The following ASTN2 variants were observed in gnomAD, a reference collection of about 807,000 sequenced individuals.
The protein encoded by ASTN2 is astrotactin 2.
Under a neutral mutation model 139.8 loss-of-function variants are expected in ASTN2, and 54 were observed. The observed-to-expected ratio is 0.39, with a 90% confidence interval of 0.31 to 0.48. The LOEUF (loss-of-function observed/expected upper bound fraction) is 0.48. Among genes scored for constraint, ASTN2 ranks in the 20% least tolerant of loss-of-function variants. The pLI is 0.95. For missense variants in ASTN2, 1,565 were observed against 1,725.1 expected, an observed-to-expected ratio of 0.91 and a Z score of 1.64; for synonymous variants, 756 against 719.5, an observed-to-expected ratio of 1.05 and a Z score of -0.81.
At chr9:117,216,188 G>A (rs955167456) in intron 2 of ASTN2, among the ~76,000 whole-genome samples, 3 of 152,172 alleles carry the variant, frequency 2.0e-5, no homozygotes, top group Non-Finnish European at 2.9e-5. Flanking sequence ...CACCTGTTTA[G>A]ACCAAGAAGA....
chr9:116,609,328 C>CTCTCTCTATATA (rs140484650), intron 19 of ASTN2, among the ~76,000 whole-genome samples: 4 of 122,528 alleles, frequency 3.3e-5, no homozygotes, highest in African/African-American at 1.3e-4. Flanking sequence ...CTCTCTCTCT[C>CTCTCTCTATATA]TATATATATA....
At chr9:117,252,347 TAAG>T (rs781386411) in intron 2 of ASTN2, among the ~76,000 whole-genome samples, 11 of 152,224 alleles carry the variant, frequency 7.2e-5, no homozygotes, top group Non-Finnish European at 1.5e-4. Flanking sequence ...GGACAGAAAC[TAAG>T]AAGATGCTGC....
At chr9:116,754,969 C>T (rs142797874) in intron 13 of ASTN2, among the ~76,000 whole-genome samples, 82 of 152,242 alleles carry the variant, frequency 5.4e-4, no homozygotes, top group African/African-American at 1.6e-3. Flanking sequence ...AACCTGGACA[C>T]GGACTCATCA....
chr9:117,290,105 C>T (rs1478402332), intron 2 of ASTN2, among the ~76,000 whole-genome samples: 1 of 152,200 alleles, frequency 6.6e-6, no homozygotes, highest in African/African-American at 2.4e-5. Flanking sequence ...GGTAGCTCTG[C>T]TCTGCTGAGT....
chr9:116,922,507 A>C (rs2132438258), intron 10 of ASTN2, among the ~76,000 whole-genome samples: 1 of 152,300 alleles, frequency 6.6e-6, no homozygotes, highest in South Asian at 2.1e-4. Context: ...AAATACTAAA[A>C]CCTAGTCACA....
chr9:116,914,581 A>ATT (rs917437769), intron 10 of ASTN2, among the ~76,000 whole-genome samples: 1 of 147,232 alleles, frequency 6.8e-6, no homozygotes, highest in African/African-American at 2.5e-5. Context: ...ATTTATATAT[A>ATT]TTTTTTTTTA....
chr9:117,176,244 T>A (rs938602815), intron 3 of ASTN2, among the ~76,000 whole-genome samples: 1 of 152,078 alleles, frequency 6.6e-6, no homozygotes, highest in African/African-American at 2.4e-5. Flanking sequence ...TCATTGCTGG[T>A]GGAGTGTGGT....
intron 12 of ASTN2, among the ~76,000 whole-genome samples, chr9:116,814,590 T>C (rs1439025387): frequency 6.6e-6 from 1 of 151,912 alleles, no homozygotes; most frequent in Non-Finnish European, 1.5e-5. Flanking sequence ...CTCTGTCAAA[T>C]CATTAAAACT....
chr9:116,617,066 T>A (rs772598005), intron 19 of ASTN2, among the ~76,000 whole-genome samples: 1 of 152,232 alleles, frequency 6.6e-6, no homozygotes, highest in African/African-American at 2.4e-5. Flanking sequence ...CAGTCTGTTC[T>A]GTCTCTTTCA....
chr9:116,750,625 T>C (rs991436913), intron 13 of ASTN2, among the ~76,000 whole-genome samples: 1 of 152,182 alleles, frequency 6.6e-6, no homozygotes, highest in African/African-American at 2.4e-5. Context: ...CCAAAGGCAG[T>C]AGAAAGACAG....
At chr9:116,751,453 T>C (rs1199467958) in intron 13 of ASTN2, among the ~76,000 whole-genome samples, 1 of 152,188 alleles carries the variant, frequency 6.6e-6, no homozygotes, top group Non-Finnish European at 1.5e-5. Flanking sequence ...ACAGTACCAG[T>C]GTTGCTGAAT....
At chr9:116,975,392 G>A (rs1288401821) in intron 9 of ASTN2, 47 bp from the exon 10 acceptor site, 7 of 1,524,376 alleles carry the variant, frequency 4.6e-6, no homozygotes, top group South Asian at 2.7e-5. Flanking sequence ...GAAGCAGAGA[G>A]CAAACAGAAA....
chr9:117,399,562 C>T (rs200793591), intron 1 of ASTN2, among the ~76,000 whole-genome samples: 1 of 152,128 alleles, frequency 6.6e-6, no homozygotes, highest in Non-Finnish European at 1.5e-5. Flanking sequence ...CTTCCATTTA[C>T]TGAAAGTTAT....
intron 7 of ASTN2, among the ~76,000 whole-genome samples, chr9:116,992,144 A>G (rs1836877541): frequency 6.6e-6 from 1 of 152,168 alleles, no homozygotes; most frequent in Non-Finnish European, 1.5e-5. Context: ...CCAAGGATAA[A>G]ATATTTTGAC....
intron 5 of ASTN2, among the ~76,000 whole-genome samples, chr9:117,046,967 G>C (rs1838765236): frequency 6.6e-6 from 1 of 152,108 alleles, no homozygotes; most frequent in South Asian, 2.1e-4. Context: ...GTTCCTGCCT[G>C]GTCAGAAATC....
chr9:116,874,924 C>T (rs866351391), intron 10 of ASTN2, among the ~76,000 whole-genome samples: 1 of 152,072 alleles, frequency 6.6e-6, no homozygotes, highest in Non-Finnish European at 1.5e-5. Flanking sequence ...ATTATTATAT[C>T]GTTTATGGTT....
At chr9:117,326,903 G>A (rs1828535712) in intron 1 of ASTN2, among the ~76,000 whole-genome samples, 1 of 152,164 alleles carries the variant, frequency 6.6e-6, no homozygotes, top group Non-Finnish European at 1.5e-5. Context: ...CCAGTTAATG[G>A]AGCAGTGGAT....
intron 2 of ASTN2, among the ~76,000 whole-genome samples, chr9:117,247,579 G>A (rs778650874): frequency 6.6e-6 from 1 of 152,222 alleles, no homozygotes. Flanking sequence ...CTTAGTTTCT[G>A]CTGTATTGAG....
intron 3 of ASTN2, among the ~76,000 whole-genome samples, chr9:117,175,150 A>T (rs191924861): frequency 6.6e-6 from 1 of 152,128 alleles, no homozygotes; most frequent in Admixed American, 6.5e-5. Flanking sequence ...TCTTATACAC[A>T]AGAAAGGAAC....
Sources: allele counts gnomAD v4.1 joint callset (sites outside exome capture counted in the v4.1 genomes callset), GRCh38; gene constraint gnomAD v4.1.1; transcripts MANE v1.5; gene names NCBI Gene and HGNC (gene_info 2026-07-23, HGNC 2026-07-21).